The following THOC1 variants were observed in gnomAD, a reference collection of about 807,000 sequenced individuals.
THOC1 encodes the protein THO complex 1.
THOC1 carries 29 observed loss-of-function variants against 97.3 expected under a neutral mutation model. The ratio of observed to expected loss-of-function variants is 0.30; its 90% confidence interval spans 0.22 to 0.41. The LOEUF is 0.41. THOC1 is among the 10% of genes least tolerant of loss of function. THOC1 has a pLI of 1.00. For synonymous variants in THOC1, 255 were observed against 257.0 expected (o/e 0.99, Z 0.07); for missense variants, 529 against 761.9 (o/e 0.69, Z 3.60).
In THOC1 at chr18:214,782, ACT is replaced by A; in HGVS notation, c.1816_1817del (p.Ser606Ter). The A allele has an allele frequency of 6.2e-7, 1 of 1,613,916 alleles. No individual in the cohort carries two copies. Among genetic ancestry groups the A allele is most frequent in the Non-Finnish European group, 8.5e-7 (1 of 1,179,858 alleles). On this transcript the variant is annotated frameshift_variant, in exon 21 of 21. Transcript: ENST00000261600. LOFTEE classifies it high-confidence loss of function. ...DSEIRQIECD[S>X]EDMKMRAKQL... is the part of the protein sequence containing the mutation. ...GCTTAGCTCTCATCTTCATGTCTTCACTGTCACACTCAATCTGCCTAATTTCT... is the reference window on the plus strand; with the variant it reads ...GCTTAGCTCTCATCTTCATGTCTTCAGTCACACTCAATCTGCCTAATTTCT...
chr18:225,933 T>C (rs759544284), intron 12 of THOC1: 1 of 152,696 alleles, frequency 6.5e-6, no homozygotes, highest in Non-Finnish European at 1.5e-5. Context: ...TTACATACAT[T>C]ATTCATTGAA....
chr18:215,948 G>C (rs1452373697), intron 19 of THOC1, among the ~76,000 whole-genome samples: 6 of 152,140 alleles, frequency 3.9e-5, no homozygotes, highest in African/African-American at 7.2e-5. Flanking sequence ...CAGTTTACCT[G>C]AAGTATCACG....
At position 235,275 on chromosome 18, in the gene THOC1, TTTC is replaced by T. The variant is rs1911639273; in HGVS notation, c.919-8377_919-8375del. ...TCATTTTCCTTGCACAAGCTCTGGATTTCTTTTTATAACATTTTCTTTTCAAAG... is the reference window on the plus strand; with the variant it reads ...TCATTTTCCTTGCACAAGCTCTGGATTTTTTATAACATTTTCTTTTCAAAG... On this transcript the variant is annotated intron_variant, in intron 11 of 20. Transcript: ENST00000261600. Among the ~76,000 whole-genome samples, 12 of 152,244 alleles carry T rather than the reference TTTC, an allele frequency of 7.9e-5. No homozygotes were observed. The South Asian group carries it at 2.5e-3, about 32-fold the overall frequency.
At chr18:249,045 C>A (rs551148673) in intron 9 of THOC1, among the ~76,000 whole-genome samples, 1 of 152,122 alleles carries the variant, frequency 6.6e-6, no homozygotes, top group Non-Finnish European at 1.5e-5. Flanking sequence ...CCACTGCACC[C>A]GGCCTATTCT....
chr18:224,918 A>G lies in THOC1; in HGVS notation c.1208+6T>C. The G allele has an allele frequency of 6.4e-7, 1 of 1,564,352 alleles. No homozygotes were observed. Among genetic ancestry groups the G allele is most frequent in the African/African-American group, 1.4e-5 (1 of 74,066 alleles). On this transcript the variant is annotated splice_donor_region_variant and intron_variant, in intron 15 of 20. Coordinates refer to ENST00000261600, the MANE Select transcript of THOC1 (RefSeq NM_005131.3). The stretch of plus-strand genomic sequence containing the variant: ...TGTATTTACCTTTCTTTCAGTATGT[A>G]TTTACCTTTCTTTCACAAAACTTGG...
At chr18:236,668 A>G (rs769966331) in intron 11 of THOC1, among the ~76,000 whole-genome samples, 11 of 152,038 alleles carry the variant, frequency 7.2e-5, no homozygotes, top group South Asian at 2.1e-4. Context: ...CGGCGAAAGA[A>G]TAAGATTCTA....
Position 265,198 on chromosome 18 carries a change from TA to T in THOC1, c.189+104del, listed in dbSNP as rs920414509. ...CTTTTACAAAGCAGAAAGGTTACTC[TA>T]AAAAAAGATGTTTAAATATCCATTC... is the stretch of plus-strand genomic sequence containing the variant. On this transcript the variant is annotated intron_variant, in intron 3 of 20. Transcript: ENST00000261600. 21 of 902,278 alleles carry T rather than the reference TA, an allele frequency of 2.3e-5. No homozygotes were observed. In the Admixed American group the frequency reaches 5.4e-4, roughly 23 times the overall value. The allele number at this position is 902,278 out of a possible 1,614,324, so 55.9% of individuals were successfully genotyped here.
chr18:234,148 T>TG (rs1277977184), intron 11 of THOC1, among the ~76,000 whole-genome samples: 1 of 152,270 alleles, frequency 6.6e-6, no homozygotes, highest in Non-Finnish European at 1.5e-5. Context: ...GCAATCTTGC[T>TG]GAAGTTTCAT....
At position 236,036 on chromosome 18, in the gene THOC1, TC is replaced by T. The variant is rs1205417708; in HGVS notation, c.919-9136del. On this transcript the variant is annotated intron_variant, in intron 11 of 20. Transcript: ENST00000261600. Reference sequence around the variant, plus strand: ...AGTTCATGACACCTTGGTGGTTCATTCCTTTATTATGTAGTGTTTCTTGTCC... The same window carrying T: ...AGTTCATGACACCTTGGTGGTTCATTCTTTATTATGTAGTGTTTCTTGTCC... Among the ~76,000 whole-genome samples the T allele has an allele frequency of 3.9e-5, 6 of 152,328 alleles. No individual in the cohort carries two copies. In the East Asian group the frequency reaches 1.2e-3, roughly 29 times the overall value.
In THOC1 at chr18:227,283, C is replaced by T. The variant is rs574440798; in HGVS notation, c.919-382G>A. ...TCACTTGAGCTCAGGAGTTCGAGAT[C>T]AGTCTGAGCAACATAGCAAGACTCT... On this transcript the variant is annotated intron_variant, in intron 11 of 20. Transcript: ENST00000261600. Among the ~76,000 whole-genome samples, 88 of 152,144 alleles carry T rather than the reference C, an allele frequency of 5.8e-4. 1 individual carries two copies. The highest frequency in any genetic ancestry group is 5.2e-4 in the Admixed American group (8 of 15,282).
At chr18:243,455 T>A (rs1031704316) in intron 11 of THOC1, among the ~76,000 whole-genome samples, 4 of 152,072 alleles carry the variant, frequency 2.6e-5, no homozygotes, top group African/African-American at 9.7e-5. Context: ...GGAGAATCGC[T>A]TAAACCCAGG....
At chr18:243,905 T>C (rs558657476) in intron 11 of THOC1, among the ~76,000 whole-genome samples, 44 of 152,316 alleles carry the variant, frequency 2.9e-4, no homozygotes, top group African/African-American at 1.0e-3. Context: ...TAAATCAGTC[T>C]ATACTTGTTA....
At chr18:228,708 C>T (rs910832014) in intron 11 of THOC1, among the ~76,000 whole-genome samples, 1 of 152,302 alleles carries the variant, frequency 6.6e-6, no homozygotes, top group South Asian at 2.1e-4. Flanking sequence ...CAAACAGCAA[C>T]CTTGAATAAA....
rs10531243 is a variant in THOC1 at position 267,019 on chromosome 18, G to GTATA, written c.54+943_54+946dup. On this transcript the variant is annotated intron_variant, in intron 1 of 20. Transcript: ENST00000261600. ...ATATTATACGTATACGTATATATAT[G>GTATA]TATATATATATATATATAACCCTGC... Among the ~76,000 whole-genome samples, 31 of 148,558 alleles carry GTATA rather than the reference G, an allele frequency of 2.1e-4. No individual in the cohort carries two copies. The East Asian group carries it at 2.2e-3, about 10-fold the overall frequency.
chr18:249,474 C>T (rs770340324), intron 9 of THOC1, among the ~76,000 whole-genome samples: 19 of 151,998 alleles, frequency 1.3e-4, no homozygotes, highest in South Asian at 2.1e-4. Context: ...CCAGCCTGAC[C>T]AACATACTGA....
chr18:223,552 C>G (rs978219161), intron 16 of THOC1, 47 bp from the exon 17 acceptor site: 8 of 1,422,802 alleles, frequency 5.6e-6, no homozygotes, highest in Non-Finnish European at 7.7e-6. Context: ...GGACACCATC[C>G]TCATGTGCCT....
rs1209940849 is a variant in THOC1, at chr18:254,531, T to C, written c.521-176A>G. ...ATTTCTTAAAAGTACCTTTGGAGTATGGGCATACCTTGTTTTGTTGTTCTT... is the reference window on the plus strand; with the variant it reads ...ATTTCTTAAAAGTACCTTTGGAGTACGGGCATACCTTGTTTTGTTGTTCTT... On this transcript the variant is annotated intron_variant, in intron 7 of 20. Transcript: ENST00000261600. The surrounding 1 kb of genome is among the most constrained non-coding windows in gnomAD (Gnocchi z 4.1). Among the ~76,000 whole-genome samples the C allele has an allele frequency of 6.6e-6, 1 of 152,054 alleles. No individual in the cohort carries two copies. Among genetic ancestry groups the C allele is most frequent in the Admixed American group, 6.5e-5 (1 of 15,270 alleles).
chr18:265,602 T>C (rs950281124), intron 1 of THOC1, 72 bp from the exon 2 acceptor site: 3 of 1,228,368 alleles, frequency 2.4e-6, no homozygotes, highest in Non-Finnish European at 3.4e-6. Context: ...ATATCGTTCA[T>C]TGATAGTGTA....
chr18:246,369 T>G lies in THOC1; in HGVS notation c.873A>C (p.Thr291=). The G allele has an allele frequency of 6.2e-7, 1 of 1,603,020 alleles. No individual in the cohort carries two copies. Among genetic ancestry groups the G allele is most frequent in the East Asian group, 2.2e-5 (1 of 44,690 alleles). ...TTGCAAAATATACATGTTCTCCTCCTGTTTTCAATTCTTCCATCTTTTTTC... is the reference window on the plus strand; with the variant it reads ...TTGCAAAATATACATGTTCTCCTCCGGTTTTCAATTCTTCCATCTTTTTTC... The part of the protein sequence containing the change: ...ASRKKMEELK[T]GGEHVYFAKF... The change falls in exon 11 of 21, where the codon ACA becomes ACC. Residue 291 remains threonine (T), a synonymous_variant. Coordinates refer to ENST00000261600, the MANE Select transcript of THOC1 (RefSeq NM_005131.3).
Sources: gnomAD v4.1 joint callset for allele counts (sites outside exome capture counted in the v4.1 genomes callset) on GRCh38, gnomAD v4.1.1 for gene constraint, Gnocchi (gnomAD v3.1) non-coding constraint, MANE v1.5 for transcripts, NCBI Gene and HGNC (gene_info 2026-07-23, HGNC 2026-07-21) for gene names.